The following CRB1 variants were observed in gnomAD, a reference collection of about 807,000 sequenced individuals.
CRB1 encodes crumbs cell polarity complex component 1.
Under a neutral mutation model 120.0 loss-of-function variants are expected in CRB1, and 83 were observed. That is an observed-to-expected ratio of 0.69 (90% CI 0.58 to 0.83). The LOEUF is 0.83. Ranked by LOEUF, CRB1 falls within the 40% of genes least tolerant of loss-of-function variation. The probability of loss-of-function intolerance (pLI) is 0.00; values close to 1 mark genes in which losing one functional copy is unlikely to be tolerated. For synonymous variants in CRB1, 625 were observed against 612.5 expected (o/e 1.02, Z -0.30); for missense variants, 1,699 against 1,687.6 (o/e 1.01, Z -0.12).
At position 197,477,662 on chromosome 1, in the gene CRB1, A is replaced by G. The variant is rs779337522; in HGVS notation, c.4006-2A>G. On this transcript the variant is annotated splice_acceptor_variant, in intron 11 of 11. Transcript: ENST00000367400. LOFTEE classifies it high-confidence loss of function. ...GCATCCCAATGATTTCAATCTTTCC[A>G]GTTGGCAGATGACTTGATCTCCGAC... 4 of 1,613,286 alleles carry G rather than the reference A, an allele frequency of 2.5e-6. No individual in the cohort carries two copies. Among genetic ancestry groups the G allele is most frequent in the Non-Finnish European group, 2.5e-6 (3 of 1,179,374 alleles).
chr1:197,333,771 T>C (rs1399261635), intron 2 of CRB1, among the ~76,000 whole-genome samples: 1 of 152,208 alleles, frequency 6.6e-6, no homozygotes, highest in Non-Finnish European at 1.5e-5. Flanking sequence ...GACTAGTTAG[T>C]TCATGGAGAC....
the CRB1 span, among the ~76,000 whole-genome samples, chr1:197,244,588 T>C: frequency 1.3e-5 from 2 of 152,058 alleles, no homozygotes; most frequent in East Asian, 1.9e-4. Flanking sequence ...GATTTCAAGA[T>C]TTTTTCTTTG....
At chr1:197,254,353 TACTATAGGG>T in the CRB1 span, among the ~76,000 whole-genome samples, 1 of 152,022 alleles carries the variant, frequency 6.6e-6, no homozygotes, top group African/African-American at 2.4e-5. Context: ...CAAGAAAAAA[TACTATAGGG>T]AGCTAAAGGT....
intron 1 of CRB1, among the ~76,000 whole-genome samples, chr1:197,300,691 T>C (rs958799966): frequency 2.6e-5 from 4 of 152,186 alleles, no homozygotes; most frequent in African/African-American, 7.2e-5. Context: ...TTAAAGTGGC[T>C]ACACTGAAAA....
chr1:197,430,116 A>G (rs534245361), intron 8 of CRB1, among the ~76,000 whole-genome samples: 2 of 152,310 alleles, frequency 1.3e-5, no homozygotes, highest in South Asian at 4.1e-4. Flanking sequence ...AATGATATCT[A>G]TGAGAATTTC....
intron 6 of CRB1, 48 bp downstream of exon 6, chr1:197,422,004 A>G (rs1190396652): frequency 6.3e-7 from 1 of 1,583,034 alleles, no homozygotes; most frequent in Non-Finnish European, 8.6e-7. Flanking sequence ...GCCTCAGAGC[A>G]GAGCAGAAAC....
chr1:197,283,695 C>G (rs941660787), intron 1 of CRB1, among the ~76,000 whole-genome samples: 20 of 151,790 alleles, frequency 1.3e-4, no homozygotes, highest in African/African-American at 4.8e-4. Flanking sequence ...GCAATTATCA[C>G]TGGACATTGA....
the CRB1 span, among the ~76,000 whole-genome samples, chr1:197,214,935 A>G: frequency 3.9e-5 from 6 of 152,308 alleles, no homozygotes; most frequent in African/African-American, 9.6e-5. Flanking sequence ...TCGTAAAAAC[A>G]AAACAAAAAG....
chr1:197,462,449 G>A (rs1278775607), intron 11 of CRB1, among the ~76,000 whole-genome samples: 1 of 152,116 alleles, frequency 6.6e-6, no homozygotes, highest in Admixed American at 6.6e-5. Flanking sequence ...CAACTCCGAA[G>A]TTCCCCTATG....
intron 11 of CRB1, chr1:197,442,615 G>GA (rs942024606): frequency 8.0e-5 from 94 of 1,173,212 alleles, no homozygotes; most frequent in Non-Finnish European, 1.1e-4. Context: ...CTTTAAATAT[G>GA]AAAAAAGTGT....
the CRB1 span, among the ~76,000 whole-genome samples, chr1:197,252,717 T>C: frequency 6.7e-6 from 1 of 150,172 alleles, no homozygotes; most frequent in Non-Finnish European, 1.5e-5. Context: ...TGAGAAGTCC[T>C]ATGAACTGCA....
intron 11 of CRB1, among the ~76,000 whole-genome samples, chr1:197,473,037 G>A (rs994015637): frequency 7.9e-5 from 12 of 152,082 alleles, no homozygotes; most frequent in African/African-American, 2.9e-4. Context: ...ATATACTGTG[G>A]GAAAATGGTA....
chr1:197,384,309 G>A (rs1347751861), intron 5 of CRB1, among the ~76,000 whole-genome samples: 1 of 152,070 alleles, frequency 6.6e-6, no homozygotes, highest in Non-Finnish European at 1.5e-5. Flanking sequence ...TGGACCACCA[G>A]GCTCCAAACA....
intron 5 of CRB1, among the ~76,000 whole-genome samples, chr1:197,375,128 C>T (rs1408825685): frequency 6.6e-6 from 1 of 152,116 alleles, no homozygotes; most frequent in Non-Finnish European, 1.5e-5. Context: ...GTTGCCATAA[C>T]TGTTGGGTCT....
intron 1 of CRB1, among the ~76,000 whole-genome samples, chr1:197,311,122 C>T (rs928973952): frequency 6.6e-6 from 1 of 152,120 alleles, no homozygotes; most frequent in Non-Finnish European, 1.5e-5. Context: ...TCACAGTAGC[C>T]AAGACATGGA....
At chr1:197,264,583 A>C (rs1219360120), upstream of CRB1, among the ~76,000 whole-genome samples, 1 of 150,716 alleles carries the variant, frequency 6.6e-6, no homozygotes, top group African/African-American at 2.4e-5. Context: ...CAATTTACCC[A>C]TACACAGTGA....
intron 5 of CRB1, among the ~76,000 whole-genome samples, chr1:197,366,209 G>A (rs1330996411): frequency 1.3e-5 from 2 of 151,640 alleles, no homozygotes; most frequent in Non-Finnish European, 2.9e-5. Flanking sequence ...CTTCCATCCC[G>A]AATAGTTGGA....
At chr1:197,310,921 C>T (rs1460162236) in intron 1 of CRB1, among the ~76,000 whole-genome samples, 1 of 152,072 alleles carries the variant, frequency 6.6e-6, no homozygotes, top group African/African-American at 2.4e-5. Flanking sequence ...ATATATTCTC[C>T]CATGGAGATG....
the CRB1 span, among the ~76,000 whole-genome samples, chr1:197,221,745 A>G: frequency 6.6e-6 from 1 of 152,186 alleles, no homozygotes; most frequent in South Asian, 2.1e-4. Flanking sequence ...TTGAATCACT[A>G]TAAAATTGGG....
Sources: gnomAD v4.1 joint callset for allele counts (sites outside exome capture counted in the v4.1 genomes callset) on GRCh38, gnomAD v4.1.1 for gene constraint, MANE v1.5 for transcripts, NCBI Gene and HGNC (gene_info 2026-07-23, HGNC 2026-07-21) for gene names.